Variants in CERS3 observed in about 807,000 individuals in gnomAD.
CERS3 encodes LAG1 homolog, ceramide synthase 3.
A neutral mutation model predicts 50.3 loss-of-function variants in CERS3; 33 were observed. The ratio of observed to expected loss-of-function variants is 0.66; its 90% confidence interval spans 0.50 to 0.88. CERS3 has a LOEUF of 0.88. Ranked by LOEUF, CERS3 falls within the 40% of genes least tolerant of loss-of-function variation. The probability of loss-of-function intolerance (pLI) is 0.00; values close to 1 mark genes in which losing one functional copy is unlikely to be tolerated. For missense variants in CERS3, 470 were observed against 460.3 expected (o/e 1.02, Z -0.19); for synonymous variants, 176 against 155.2 (o/e 1.13, Z -0.99).
rs1246064983 is a variant in CERS3 at position 100,499,943 on chromosome 15, G to C, written c.173+1734C>G. Among the ~76,000 whole-genome samples, 3 of 152,232 alleles carry C rather than the reference G, an allele frequency of 2.0e-5. No individual in the cohort carries two copies. The East Asian group carries it at 5.8e-4, about 29-fold the overall frequency. ...CATGTTAACTGTGTGACCTTGGCCA[G>C]GTCATTTACCTCTCATTTCCACACC... On this transcript the variant is annotated intron_variant, in intron 3 of 11. Transcript: ENST00000679737.
intron 2 of CERS3, among the ~76,000 whole-genome samples, chr15:100,509,319 T>G (rs2036272386): frequency 6.6e-6 from 1 of 152,190 alleles, no homozygotes; most frequent in Admixed American, 6.5e-5. Context: ...AATATGACAG[T>G]CTAACTTTTG....
In CERS3 at chr15:100,539,004, A is replaced by G. The variant is rs140093027; in HGVS notation, c.-355+5647T>C. Among the ~76,000 whole-genome samples, 73 of 152,266 alleles carry G rather than the reference A, an allele frequency of 4.8e-4. 1 individual carries two copies. The highest frequency in any genetic ancestry group is 2.1e-3 in the East Asian group (11 of 5,178). On this transcript the variant is annotated intron_variant, in intron 1 of 12. Coordinates refer to the CERS3 transcript ENST00000284382. ...TTACTTTTGAGAAATTTCTTCCACT[A>G]GATACCCTAAATCATCTCTCTCAAG...
In CERS3 at chr15:100,490,949, G is replaced by GA. The variant is rs537938153; in HGVS notation, c.174-19dup. 1.3e-4 allele frequency: 186 copies of GA among 1,445,612 alleles called. No individual in the cohort carries two copies. In the African/African-American group the frequency reaches 2.3e-3, roughly 18 times the overall value. 89.5% of individuals were successfully genotyped at this position (1,445,612 alleles called of 1,614,324 possible). A position where few individuals can be genotyped will look rare whatever the true frequency, so the allele number is the denominator to read the frequency against. ...CAACAAATCTACAAAAATATGAAAA[G>GA]AAAAAAAGTTCAAAATCTAAGAATA... On this transcript the variant is annotated intron_variant, in intron 3 of 11. Coordinates refer to ENST00000679737, the MANE Select transcript of CERS3 (RefSeq NM_001378789.1).
At chr15:100,531,957 G>A (rs376365013), upstream of CERS3, among the ~76,000 whole-genome samples, 10 of 152,306 alleles carry the variant, frequency 6.6e-5, no homozygotes, top group East Asian at 1.5e-3. Flanking sequence ...ATTACAAAGC[G>A]GGTACCGGGT....
intron 11 of CERS3, among the ~76,000 whole-genome samples, chr15:100,423,406 G>T (rs2142096944): frequency 6.6e-6 from 1 of 152,238 alleles, no homozygotes; most frequent in Admixed American, 6.5e-5. Context: ...AGGGAAATGT[G>T]GTACATATAC....
chr15:100,527,918 T>C (rs2036841876), intron 1 of CERS3, among the ~76,000 whole-genome samples: 1 of 152,192 alleles, frequency 6.6e-6, no homozygotes. Flanking sequence ...GAAGAAATTA[T>C]AAATGGAAAC....
chr15:100,409,441 A>G (rs535784011), intron 11 of CERS3, among the ~76,000 whole-genome samples: 4 of 100,398 alleles, frequency 4.0e-5, no homozygotes, highest in Non-Finnish European at 9.2e-5. Context: ...TGAAATCAAA[A>G]GAGCTTAAAA....
At chr15:100,471,407 G>C (rs1195805943) in intron 9 of CERS3, among the ~76,000 whole-genome samples, 1 of 152,224 alleles carries the variant, frequency 6.6e-6, no homozygotes, top group Non-Finnish European at 1.5e-5. Flanking sequence ...ATCAGTGAAA[G>C]GGTGGGGAGG....
intron 4 of CERS3, among the ~76,000 whole-genome samples, chr15:100,490,076 T>C (rs1318158346): frequency 2.0e-5 from 3 of 152,252 alleles, no homozygotes; most frequent in African/African-American, 7.2e-5. Context: ...TTTGTATTCA[T>C]CATAGAGGTT....
chr15:100,423,976 T>A (rs554509194), intron 11 of CERS3, among the ~76,000 whole-genome samples: 1 of 151,666 alleles, frequency 6.6e-6, no homozygotes, highest in East Asian at 1.9e-4. Context: ...AGTTTTGCTC[T>A]TGTTGCCCAG....
chr15:100,484,622 T>C lies in CERS3; in HGVS notation c.335A>G (p.Gln112Arg). Residue 112 changes from glutamine (Q) to arginine (R), a missense_variant, in exon 5 of 12, where the codon CAG becomes CGG. By Grantham distance (43) the Gln-to-Arg change is conservative. Transcript: ENST00000679737. Reference protein sequence around the residue: ...LAKKCNLTERQVERWFRSRRN... With the variant: ...LAKKCNLTERRVERWFRSRRN... ...CCGACTCCTAAACCATCTTTCCACCTGGCGCTCCGTCAAGTTACACTTCTT... is the reference window on the plus strand; with the variant it reads ...CCGACTCCTAAACCATCTTTCCACCCGGCGCTCCGTCAAGTTACACTTCTT... The C allele has an allele frequency of 1.2e-6, 2 of 1,614,146 alleles. No homozygotes were observed. The highest frequency in any genetic ancestry group is 1.7e-6 in the Non-Finnish European group (2 of 1,179,996).
At chr15:100,483,658 T>C (rs2035383756) in intron 5 of CERS3, among the ~76,000 whole-genome samples, 1 of 151,852 alleles carries the variant, frequency 6.6e-6, no homozygotes, top group Non-Finnish European at 1.5e-5. Context: ...GCAACAGCCA[T>C]TCAAACACCT....
At chr15:100,531,465 G>A (rs1257981460), upstream of CERS3, among the ~76,000 whole-genome samples, 1 of 152,116 alleles carries the variant, frequency 6.6e-6, no homozygotes, top group African/African-American at 2.4e-5. Flanking sequence ...CTTTGTGGGA[G>A]CTGTGGACCT....
intron 11 of CERS3, among the ~76,000 whole-genome samples, chr15:100,450,248 T>C (rs2034105749): frequency 6.6e-6 from 1 of 151,670 alleles, no homozygotes; most frequent in African/African-American, 2.4e-5. Context: ...GTGAAACCCC[T>C]TCTTTACTAA....
At chr15:100,506,346 G>A (rs1357958254) in intron 2 of CERS3, among the ~76,000 whole-genome samples, 2 of 152,074 alleles carry the variant, frequency 1.3e-5, no homozygotes, top group Admixed American at 6.6e-5. Context: ...ATGAAAAGAT[G>A]CTCTGCCTCA....
intron 11 of CERS3, among the ~76,000 whole-genome samples, chr15:100,453,757 T>G (rs966356870): frequency 1.3e-5 from 2 of 151,988 alleles, no homozygotes; most frequent in African/African-American, 4.8e-5. Context: ...ACCTAAAGAC[T>G]TCACCAAAAA....
Position 100,402,812 on chromosome 15 carries a change from CTCT to C in CERS3, c.1050_1052del (p.Glu355del). 2.5e-6 allele frequency: 4 copies of C among 1,612,236 alleles called. No individual in the cohort carries two copies. The highest frequency in any genetic ancestry group is 3.4e-6 in the Non-Finnish European group (4 of 1,179,208). ...TGCCTTTGGTAGCCTCTTCTTCTTC[CTCT>C]TCCTCTTCCTCTTCATAATCCTCGT... On this transcript the variant is annotated inframe_deletion, in exon 12 of 12. Coordinates refer to ENST00000679737, the MANE Select transcript of CERS3 (RefSeq NM_001378789.1).
intron 6 of CERS3, 109 bp from the exon 7 acceptor site, chr15:100,479,587 G>A: frequency 1.3e-6 from 1 of 750,140 alleles, no homozygotes; most frequent in South Asian, 1.7e-5. Flanking sequence ...TTTACAGCAG[G>A]CAAAGATGCA....
At chr15:100,469,638 T>C (rs2034900227) in intron 9 of CERS3, among the ~76,000 whole-genome samples, 154 bp from the exon 10 acceptor site, 1 of 152,184 alleles carries the variant, frequency 6.6e-6, no homozygotes, top group Non-Finnish European at 1.5e-5. Flanking sequence ...AAAACAAGAC[T>C]GGCCATATTG....
Sources: gnomAD v4.1 joint callset for allele counts (sites outside exome capture counted in the v4.1 genomes callset) on GRCh38, gnomAD v4.1.1 for gene constraint, MANE v1.5 for transcripts, NCBI Gene and HGNC (gene_info 2026-07-23, HGNC 2026-07-21) for gene names.